ASPSCR1: variants seen among roughly 807,000 people sequenced by gnomAD.
The protein encoded by ASPSCR1 is ASPSCR1 tether for SLC2A4, UBX domain containing, also known as tether containing UBX domain for GLUT4.
In ASPSCR1, 55 loss-of-function variants were observed where a neutral mutation model predicts 68.9. That is an observed-to-expected ratio of 0.80 (90% CI 0.64 to 1.00). The LOEUF (loss-of-function observed/expected upper bound fraction) is 1.00. Among genes scored for constraint, ASPSCR1 ranks in the 50% least tolerant of loss-of-function variants. The pLI is 0.00. For missense variants in ASPSCR1, 765 were observed against 762.2 expected (o/e 1.00, Z -0.04); for synonymous variants, 352 against 332.6 (o/e 1.06, Z -0.63).
chr17:81,979,527 C>T (rs1192213494), intron 2 of ASPSCR1, among the ~76,000 whole-genome samples: 1 of 152,208 alleles, frequency 6.6e-6, no homozygotes, highest in Non-Finnish European at 1.5e-5. Context: ...TTCTCTGTGT[C>T]TCAGGAAGAC....
rs543036231 is a variant in ASPSCR1, at chr17:81,990,912, C to G, written c.375-3909C>G. Among the ~76,000 whole-genome samples the G allele has an allele frequency of 1.3e-5, 2 of 152,222 alleles. No homozygotes were observed. The highest frequency in any genetic ancestry group is 4.1e-4 in the South Asian group (2 of 4,826). On this transcript the variant is annotated intron_variant, in intron 4 of 15. Coordinates refer to ENST00000306739, the MANE Select transcript of ASPSCR1 (RefSeq NM_024083.4). This position sits in a 1 kb window ranked among gnomAD's most constrained non-coding sequence, Gnocchi z 4.1. The stretch of plus-strand genomic sequence containing the variant: ...TACTGTAGCACGTCTGGGCAGTCCA[C>G]GAGGGCAGGCGGGCGAGTCCCGTAG...
intron 15 of ASPSCR1, 36 bp from the exon 16 acceptor site, chr17:82,017,273 G>T: frequency 6.2e-7 from 1 of 1,609,720 alleles, no homozygotes; most frequent in Non-Finnish European, 8.5e-7. Context: ...GTGAGAGCCC[G>T]GGGTGTGTGG....
intron 2 of ASPSCR1, among the ~76,000 whole-genome samples, chr17:81,980,224 G>A (rs535812059): frequency 2.6e-5 from 4 of 152,298 alleles, no homozygotes; most frequent in Non-Finnish European, 4.4e-5. Flanking sequence ...CTTGTGATCC[G>A]CCTGCCTTGG....
rs2042808633 is a variant in ASPSCR1 at position 82,008,767 on chromosome 17, G to A, written c.934-270G>A. 7.6e-6 allele frequency: 3 copies of A among 392,754 alleles called. No individual in the cohort carries two copies. In the East Asian group the frequency reaches 1.2e-4, roughly 15 times the overall value. The allele number at this position is 392,754 out of a possible 1,614,324, so 24.3% of individuals were successfully genotyped here. On this transcript the variant is annotated intron_variant, in intron 7 of 15. Transcript: ENST00000306739. ...ACTCCAGGGGCCATGTGCCCTGCTG[G>A]GGAGCAGGGGCTCAGCATCAGGTCT...
At chr17:81,985,467 T>A in intron 3 of ASPSCR1, 40 bp from the exon 4 acceptor site, 1 of 1,590,888 alleles carries the variant, frequency 6.3e-7, no homozygotes, top group Non-Finnish European at 8.6e-7. Flanking sequence ...AATAGTTGCT[T>A]TTCTTCCTAA....
chr17:82,011,645 T>C, intron 11 of ASPSCR1, 40 bp downstream of exon 11: 1 of 1,596,504 alleles, frequency 6.3e-7, no homozygotes, highest in Non-Finnish European at 8.5e-7. Flanking sequence ...CCTCCAGTGC[T>C]CGGGGCCTTG....
chr17:82,015,458 G>C, intron 12 of ASPSCR1: 1 of 1,408,548 alleles, frequency 7.1e-7, no homozygotes, highest in Non-Finnish European at 9.5e-7. Flanking sequence ...TGGTGTTCCC[G>C]AGTCCTGCCC....
At chr17:82,011,471 G>A in intron 10 of ASPSCR1, 72 bp from the exon 11 acceptor site, 1 of 1,419,868 alleles carries the variant, frequency 7.0e-7, no homozygotes, top group African/African-American at 1.5e-5. Flanking sequence ...GGGAGCAGTG[G>A]CCCAGGTGCT....
At chr17:82,011,661 G>T in intron 11 of ASPSCR1, 56 bp downstream of exon 11, 3 of 1,570,940 alleles carry the variant, frequency 1.9e-6, no homozygotes, top group Non-Finnish European at 1.7e-6. Flanking sequence ...CCTTGGTGCT[G>T]TGGGCACACC....
At chr17:82,002,389 C>G (rs2042567455) in intron 7 of ASPSCR1, among the ~76,000 whole-genome samples, 1 of 151,554 alleles carries the variant, frequency 6.6e-6, no homozygotes, top group African/African-American at 2.4e-5. Context: ...TCCCGAGTAG[C>G]TGGGATTGAT....
Position 82,009,176 on chromosome 17 carries a change from A to G in ASPSCR1, c.1073A>G (p.Gln358Arg). 2 of 1,607,876 alleles carry G rather than the reference A, an allele frequency of 1.2e-6. No homozygotes were observed. Among genetic ancestry groups the G allele is most frequent in the Non-Finnish European group, 1.7e-6 (2 of 1,177,168 alleles). Residue 358 changes from glutamine (Q) to arginine (R), a missense_variant, in exon 8 of 16, where the codon CAG becomes CGG. Physicochemically the swap from Gln to Arg is conservative, Grantham distance 43. Coordinates refer to ENST00000306739, the MANE Select transcript of ASPSCR1 (RefSeq NM_024083.4). The stretch of plus-strand genomic sequence containing the variant: ...GACGACGTGAGAAGACGCTTGGCCC[A>G]GCTCAAGAGTGAGCGGTGGGTGCCC... The part of the protein sequence containing the change: ...TVDDVRRRLA[Q>R]LKSERKRLEE...
chr17:82,016,153 G>C, intron 12 of ASPSCR1: 1 of 368,900 alleles, frequency 2.7e-6, no homozygotes, highest in South Asian at 5.5e-5. Flanking sequence ...CGCCACGCCT[G>C]GCCCCACCTT....
chr17:82,000,861 C>CT (rs1326494530), intron 7 of ASPSCR1, among the ~76,000 whole-genome samples: 2 of 152,280 alleles, frequency 1.3e-5, no homozygotes, highest in African/African-American at 4.8e-5. Context: ...GGAGGCTGCC[C>CT]TGCAGCCCTG....
intron 9 of ASPSCR1, 81 bp downstream of exon 9, chr17:82,009,648 C>G (rs1330920518): frequency 2.4e-5 from 27 of 1,123,750 alleles, no homozygotes; most frequent in Non-Finnish European, 2.5e-5. Flanking sequence ...GATGGGGCGA[C>G]TGAGGCACAG....
intron 5 of ASPSCR1, 147 bp from the exon 6 acceptor site, chr17:81,995,845 G>A: frequency 7.8e-6 from 6 of 767,196 alleles, no homozygotes; most frequent in East Asian, 5.3e-5. Context: ...GGTGTGGACC[G>A]GCAGGGGCCA....
At position 81,983,770 on chromosome 17, in the gene ASPSCR1, C is replaced by A; in HGVS notation, c.273+102C>A. 2.0e-6 allele frequency: 2 copies of A among 1,015,036 alleles called. No homozygotes were observed. The highest frequency in any genetic ancestry group is 1.5e-6 in the Non-Finnish European group (1 of 676,972). The allele number at this position is 1,015,036 out of a possible 1,614,324, so 62.9% of individuals were successfully genotyped here. A position where few individuals can be genotyped will look rare whatever the true frequency, so the allele number is the denominator to read the frequency against. The stretch of plus-strand genomic sequence containing the variant: ...GTGGGGGGTGCTGGGGAAGGAGGGA[C>A]ATGAGTCTTAGCACCAGTTCTGCCT... On this transcript the variant is annotated intron_variant, in intron 3 of 15. Transcript: ENST00000306739. This position sits in a 1 kb window ranked among gnomAD's most constrained non-coding sequence, Gnocchi z 4.4.
At chr17:82,001,792 C>T (rs1216548561) in intron 7 of ASPSCR1, among the ~76,000 whole-genome samples, 3 of 152,152 alleles carry the variant, frequency 2.0e-5, no homozygotes, top group Non-Finnish European at 2.9e-5. Flanking sequence ...CCGGGCTCCC[C>T]CAGGAGCAGC....
chr17:81,997,221 C>T (rs907284713), intron 7 of ASPSCR1, among the ~76,000 whole-genome samples: 1 of 135,610 alleles, frequency 7.4e-6, no homozygotes, highest in African/African-American at 3.2e-5. Flanking sequence ...GCAGGGCCGC[C>T]CTGGGGTGGT....
chr17:81,983,492 C>CGTGGATGGCGGGGA lies in ASPSCR1; in HGVS notation c.159-53_159-52insGGGGAGTGGATGGC. ...GGATGGTGGGACGGGGATGGCGGGG[C>CGTGGATGGCGGGGA]GTGGATGGCAGGGCGTGTCAGGCTC... On this transcript the variant is annotated intron_variant, in intron 2 of 15. Coordinates refer to ENST00000306739, the MANE Select transcript of ASPSCR1 (RefSeq NM_024083.4). The surrounding 1 kb of genome is among the most constrained non-coding windows in gnomAD (Gnocchi z 4.4). 2 of 1,355,194 alleles carry CGTGGATGGCGGGGA rather than the reference C, an allele frequency of 1.5e-6. No individual in the cohort carries two copies. The highest frequency in any genetic ancestry group is 1.4e-5 in the African/African-American group (1 of 70,158). 83.9% of individuals were successfully genotyped at this position (1,355,194 alleles called of 1,614,324 possible).
Sources: allele counts gnomAD v4.1 joint callset (sites outside exome capture counted in the v4.1 genomes callset), GRCh38; gene constraint gnomAD v4.1.1; non-coding constraint Gnocchi (gnomAD v3.1); transcripts MANE v1.5; gene names NCBI Gene and HGNC (gene_info 2026-07-23, HGNC 2026-07-21).